Variants in KPNA3 observed in about 807,000 individuals in gnomAD.
The protein encoded by KPNA3 is importin subunit alpha-4.
Under a neutral mutation model 73.8 loss-of-function variants are expected in KPNA3, and 13 were observed. That is an observed-to-expected ratio of 0.18 (90% CI 0.11 to 0.28). KPNA3 has a LOEUF of 0.28. Among genes scored for constraint, KPNA3 ranks in the 10% least tolerant of loss-of-function variants. KPNA3 has a pLI of 1.00. For synonymous variants in KPNA3, 186 were observed against 206.9 expected, an observed-to-expected ratio of 0.90 and a Z score of 0.87; for missense variants, 360 against 618.1, an observed-to-expected ratio of 0.58 and a Z score of 4.43.
Position 49,699,449 on chromosome 13 carries a change from AT to A in KPNA3, c.*2350del, listed in dbSNP as rs1057273500. On this transcript the variant is annotated 3_prime_UTR_variant, in exon 17 of 17. Coordinates refer to ENST00000261667, the MANE Select transcript of KPNA3 (RefSeq NM_002267.4). The stretch of plus-strand genomic sequence containing the variant: ...CTTTTTAAACTGAGTTTAAAAAAAA[AT>A]AACAATGCAATTTTTAAACACTGTT... The A allele has an allele frequency of 1.6e-4, 25 of 152,634 alleles. No individual in the cohort carries two copies. Among genetic ancestry groups the A allele is most frequent in the Admixed American group, 5.2e-4 (8 of 15,282 alleles). 9.5% of individuals were successfully genotyped at this position (152,634 alleles called of 1,614,324 possible).
At chr13:49,788,873 C>T (rs553361800) in intron 1 of KPNA3, among the ~76,000 whole-genome samples, 2 of 152,188 alleles carry the variant, frequency 1.3e-5, no homozygotes, top group East Asian at 3.9e-4. Flanking sequence ...TACTCCCTCC[C>T]TTCCTCCATT....
intron 1 of KPNA3, among the ~76,000 whole-genome samples, chr13:49,750,732 C>T (rs534999902): frequency 1.3e-5 from 2 of 152,278 alleles, no homozygotes; most frequent in African/African-American, 4.8e-5. Flanking sequence ...TGGCTCATGC[C>T]TGTAATCCCA....
intron 12 of KPNA3, among the ~76,000 whole-genome samples, chr13:49,706,659 A>G (rs539612401): frequency 6.6e-6 from 1 of 152,356 alleles, no homozygotes; most frequent in South Asian, 2.1e-4. Context: ...AGAAATGAAC[A>G]AAACAGAAAT....
intron 1 of KPNA3, among the ~76,000 whole-genome samples, chr13:49,759,422 G>A (rs1460519032): frequency 6.6e-6 from 1 of 152,032 alleles, no homozygotes; most frequent in Non-Finnish European, 1.5e-5. Context: ...TAGAAGGAGT[G>A]GTTTCAGGAT....
chr13:49,701,589 C>T lies in KPNA3; in HGVS notation c.*211G>A, dbSNP rs988122056. The T allele has an allele frequency of 9.1e-5, 61 of 673,054 alleles. No individual in the cohort carries two copies. The highest frequency in any genetic ancestry group is 7.4e-4 in the Admixed American group (36 of 48,862). 41.7% of individuals were successfully genotyped at this position (673,054 alleles called of 1,614,324 possible). On this transcript the variant is annotated 3_prime_UTR_variant, in exon 17 of 17. Transcript: ENST00000261667. ...GAGATTGTTAAGGAGAGTTCTAAAA[C>T]AGTTTAGGAAATCATGCATATGCAT... is the stretch of plus-strand genomic sequence containing the variant.
At chr13:49,783,454 G>A (rs1954957019) in intron 1 of KPNA3, among the ~76,000 whole-genome samples, 1 of 152,026 alleles carries the variant, frequency 6.6e-6, no homozygotes, top group East Asian at 1.9e-4. Flanking sequence ...GGGGGGGTTG[G>A]CTCCAGATGC....
chr13:49,733,149 C>T, intron 2 of KPNA3, 103 bp from the exon 3 acceptor site: 1 of 746,936 alleles, frequency 1.3e-6, no homozygotes, highest in South Asian at 1.5e-5. Flanking sequence ...GAAACAAATA[C>T]TGAACACATA....
At position 49,732,478 on chromosome 13, in the gene KPNA3, AAT is replaced by A; in HGVS notation, c.288-14_288-13del. The A allele has an allele frequency of 6.5e-7, 1 of 1,531,748 alleles. No homozygotes were observed. The highest frequency in any genetic ancestry group is 8.9e-7 in the Non-Finnish European group (1 of 1,117,826). 94.9% of individuals were successfully genotyped at this position (1,531,748 alleles called of 1,614,324 possible). ...TGGATAACAGTTTTCTAGGAAAATAAATATGAGAAATTAATTGCTATAATTTT... is the reference window on the plus strand; with the variant it reads ...TGGATAACAGTTTTCTAGGAAAATAAATGAGAAATTAATTGCTATAATTTT... On this transcript the variant is annotated splice_polypyrimidine_tract_variant and intron_variant, in intron 5 of 16. Transcript: ENST00000261667.
At chr13:49,761,350 C>T (rs9562922) in intron 1 of KPNA3, among the ~76,000 whole-genome samples, 49,947 of 151,984 alleles carry the variant, frequency 0.33, 9,268 homozygotes, top group Non-Finnish European at 0.43. Context: ...CTGATTCTCC[C>T]GCCTCAGCCT....
chr13:49,760,962 C>G (rs191315729), intron 1 of KPNA3, among the ~76,000 whole-genome samples: 1 of 152,228 alleles, frequency 6.6e-6, no homozygotes, highest in African/African-American at 2.4e-5. Flanking sequence ...CCTTTCCCCC[C>G]ATGATCACGT....
At chr13:49,790,855 C>T (rs1955027282) in intron 1 of KPNA3, among the ~76,000 whole-genome samples, 1 of 152,138 alleles carries the variant, frequency 6.6e-6, no homozygotes, top group South Asian at 2.1e-4. Flanking sequence ...TTTTTCTGTA[C>T]AAACAATGAG....
intron 10 of KPNA3, among the ~76,000 whole-genome samples, chr13:49,717,606 C>A (rs939496074): frequency 2.0e-5 from 3 of 152,154 alleles, no homozygotes; most frequent in Non-Finnish European, 4.4e-5. Flanking sequence ...AAATCCTATT[C>A]ATCCTAGTTA....
At chr13:49,788,879 C>T (rs188973101) in intron 1 of KPNA3, among the ~76,000 whole-genome samples, 221 of 152,218 alleles carry the variant, frequency 1.5e-3, no homozygotes, top group Admixed American at 2.2e-3. Flanking sequence ...CTCCCTTCCT[C>T]CATTTATAAA....
intron 10 of KPNA3, among the ~76,000 whole-genome samples, chr13:49,711,530 C>G (rs1428355086): frequency 6.6e-6 from 1 of 152,212 alleles, no homozygotes; most frequent in Non-Finnish European, 1.5e-5. Flanking sequence ...TTAACTTCAT[C>G]TGGGGAAAAA....
At position 49,704,412 on chromosome 13, in the gene KPNA3, CAAAA is replaced by C. The variant is rs975118692; in HGVS notation, c.1372+1205_1372+1208del. 9.4e-4 allele frequency among the ~76,000 whole-genome samples: 111 copies of C among 117,992 alleles called. 1 individual carries two copies. The highest frequency in any genetic ancestry group is 4.7e-3 in the Middle Eastern group (1 of 214). 77.4% of individuals were successfully genotyped at this position (117,992 alleles called of 152,430 possible). On this transcript the variant is annotated intron_variant, in intron 15 of 16. Transcript: ENST00000261667. ...GGGCAACAAGAGCGAAACTCTGTCT[CAAAA>C]AAAAAATAAATAAATAAAAAATAAA...
chr13:49,741,257 G>A (rs1263612732), intron 2 of KPNA3, among the ~76,000 whole-genome samples: 2 of 152,106 alleles, frequency 1.3e-5, no homozygotes, highest in Non-Finnish European at 2.9e-5. Context: ...GACCAAGAGT[G>A]TACAAGAGTT....
chr13:49,754,487 T>C (rs1372682162), intron 1 of KPNA3, among the ~76,000 whole-genome samples: 1 of 151,286 alleles, frequency 6.6e-6, no homozygotes, highest in Non-Finnish European at 1.5e-5. Context: ...CTCAAACCAA[T>C]AATCAAAACT....
intron 1 of KPNA3, among the ~76,000 whole-genome samples, chr13:49,791,635 T>G (rs1356389557): frequency 6.6e-6 from 1 of 152,140 alleles, no homozygotes. Context: ...TCAAAGAAAT[T>G]ATCACCCTAT....
chr13:49,723,568 C>CA (rs569484021), intron 7 of KPNA3, among the ~76,000 whole-genome samples: 2,999 of 133,380 alleles, frequency 0.022, 47 homozygotes, highest in South Asian at 0.033. Flanking sequence ...GACTCTGTCT[C>CA]AAAAAAAAAA....
Sources: allele counts gnomAD v4.1 joint callset (sites outside exome capture counted in the v4.1 genomes callset), GRCh38; gene constraint gnomAD v4.1.1; transcripts MANE v1.5; gene names NCBI Gene and HGNC (gene_info 2026-07-23, HGNC 2026-07-21).